The following CNIH3 variants were observed in gnomAD, a reference collection of about 807,000 sequenced individuals.
CNIH3 encodes the protein cornichon family AMPA receptor auxiliary protein 3, also known as protein cornichon homolog 3.
Under a neutral mutation model 24.1 loss-of-function variants are expected in CNIH3, and 14 were observed. That is an observed-to-expected ratio of 0.58 (90% CI 0.38 to 0.91). The LOEUF (loss-of-function observed/expected upper bound fraction) is 0.91. Among genes scored for constraint, CNIH3 ranks in the 40% least tolerant of loss-of-function variants. CNIH3 has a pLI of 0.00. For synonymous variants in CNIH3, 68 were observed against 73.8 expected (o/e 0.92, Z 0.40); for missense variants, 178 against 196.8 (o/e 0.90, Z 0.57).
rs2125241058 is a variant in CNIH3 at position 224,730,330 on chromosome 1, A to C, written c.199-132A>C. 1.3e-5 allele frequency: 8 copies of C among 627,166 alleles called. No individual in the cohort carries two copies. The East Asian group carries it at 2.2e-4, about 17-fold the overall frequency. 38.9% of individuals were successfully genotyped at this position (627,166 alleles called of 1,614,324 possible). On this transcript the variant is annotated intron_variant, in intron 3 of 5. Transcript: ENST00000272133. ...GGATCTGTGTTGGGGCAGTGGCTCTACGTTGCTGCAGGGAGGGCCTTTGTG... is the reference window on the plus strand; with the variant it reads ...GGATCTGTGTTGGGGCAGTGGCTCTCCGTTGCTGCAGGGAGGGCCTTTGTG...
chr1:224,615,957 C>A (rs1195218085), upstream of CNIH3: 1 of 152,940 alleles, frequency 6.5e-6, no homozygotes, highest in Non-Finnish European at 1.5e-5. Flanking sequence ...ACTGCAAGAA[C>A]CGGGAGGGGC....
At chr1:224,609,184 C>G (rs1682570058) in intron 3 of CNIH3, among the ~76,000 whole-genome samples, 1 of 152,150 alleles carries the variant, frequency 6.6e-6, no homozygotes, top group Non-Finnish European at 1.5e-5. Context: ...GTGAGAAAAT[C>G]TTTAGATCCT....
chr1:224,625,298 C>T (rs951670900), intron 1 of CNIH3, among the ~76,000 whole-genome samples: 1 of 152,158 alleles, frequency 6.6e-6, no homozygotes, highest in Non-Finnish European at 1.5e-5. Context: ...GCCTGTAATC[C>T]CAGCACTTTG....
intron 1 of CNIH3, among the ~76,000 whole-genome samples, chr1:224,651,875 G>A (rs949715868): frequency 1.6e-4 from 24 of 152,200 alleles, no homozygotes; most frequent in South Asian, 4.2e-4. Context: ...GTGTATTTTC[G>A]TTAATAATAG....
intron 1 of CNIH3, among the ~76,000 whole-genome samples, chr1:224,675,040 A>C (rs537765285): frequency 4.5e-4 from 68 of 152,246 alleles, no homozygotes; most frequent in South Asian, 2.5e-3. Context: ...CTTGGGGAAG[A>C]ACAATAGCTC....
intron 3 of CNIH3, among the ~76,000 whole-genome samples, chr1:224,562,284 C>G (rs1168868147): frequency 6.6e-6 from 1 of 152,134 alleles, no homozygotes; most frequent in Non-Finnish European, 1.5e-5. Context: ...CCTGCTGACC[C>G]TTCTACTCCA....
chr1:224,470,879 A>G (rs996991868), intron 1 of CNIH3, among the ~76,000 whole-genome samples: 4 of 152,234 alleles, frequency 2.6e-5, no homozygotes, highest in Non-Finnish European at 5.9e-5. Context: ...ATACAGACAT[A>G]CAATATGTAA....
chr1:224,498,563 C>G (rs1677526819), intron 1 of CNIH3, among the ~76,000 whole-genome samples: 1 of 152,106 alleles, frequency 6.6e-6, no homozygotes, highest in South Asian at 2.1e-4. Context: ...TGATTGTGAG[C>G]TGGGGCCCTT....
intron 1 of CNIH3, among the ~76,000 whole-genome samples, chr1:224,438,146 G>C (rs916634365): frequency 6.6e-6 from 1 of 151,536 alleles, no homozygotes; most frequent in Non-Finnish European, 1.5e-5. Flanking sequence ...AGATGGTCTC[G>C]ATCTCCTGAC....
At chr1:224,484,610 T>C (rs1676956245) in intron 1 of CNIH3, among the ~76,000 whole-genome samples, 2 of 152,272 alleles carry the variant, frequency 1.3e-5, no homozygotes, top group South Asian at 4.1e-4. Context: ...CTTCTTCAAA[T>C]ATTTTTATGT....
intron 1 of CNIH3, among the ~76,000 whole-genome samples, chr1:224,479,835 G>A (rs1181181672): frequency 6.6e-6 from 1 of 152,198 alleles, no homozygotes; most frequent in African/African-American, 2.4e-5. Context: ...GCTTTCATGG[G>A]CTGGCATTAA....
chr1:224,607,088 C>A (rs1240182997), intron 3 of CNIH3, among the ~76,000 whole-genome samples: 1 of 152,232 alleles, frequency 6.6e-6, no homozygotes, highest in Non-Finnish European at 1.5e-5. Flanking sequence ...GAGTCCTAAG[C>A]CAGACAGTGC....
At chr1:224,576,896 G>A (rs1371472138) in intron 4 of CNIH3, among the ~76,000 whole-genome samples, 1 of 152,138 alleles carries the variant, frequency 6.6e-6, no homozygotes, top group Non-Finnish European at 1.5e-5. Flanking sequence ...GAACAGAAAA[G>A]AGAACCCAGA....
At chr1:224,540,390 C>T (rs762537392), downstream of CNIH3, among the ~76,000 whole-genome samples, 5 of 152,136 alleles carry the variant, frequency 3.3e-5, no homozygotes, top group Non-Finnish European at 7.3e-5. Context: ...TCAATAGCCA[C>T]CCATGCGGAT....
In CNIH3 at chr1:224,535,619, T is replaced by C. The variant is rs1426634105; in HGVS notation, n.344-1317T>C. ...AACAGGGGTGTGGGGAACTGCATGG[T>C]CTGTAGCAGGGACCTTGTCTGGCAG... is the stretch of plus-strand genomic sequence containing the variant. On this transcript the variant is annotated intron_variant and non_coding_transcript_variant, in intron 2 of 2. Coordinates refer to the CNIH3 transcript ENST00000470602. Among the ~76,000 whole-genome samples the C allele has an allele frequency of 5.3e-5, 8 of 152,260 alleles. No homozygotes were observed. In the East Asian group the frequency reaches 1.5e-3, roughly 29 times the overall value.
chr1:224,476,882 GGTGGA>G (rs1676608562), intron 1 of CNIH3, among the ~76,000 whole-genome samples: 1 of 152,178 alleles, frequency 6.6e-6, no homozygotes, highest in South Asian at 2.1e-4. Context: ...GTGTCTTTTA[GGTGGA>G]GTGTTTAGGA....
chr1:224,685,866 C>T (rs985298674), intron 3 of CNIH3, among the ~76,000 whole-genome samples: 37 of 151,950 alleles, frequency 2.4e-4, no homozygotes, highest in Non-Finnish European at 2.1e-4. Context: ...GGGAAATATG[C>T]TTGGATAAAG....
chr1:224,471,324 C>T (rs1356356528), intron 1 of CNIH3, among the ~76,000 whole-genome samples: 1 of 152,194 alleles, frequency 6.6e-6, no homozygotes, highest in Non-Finnish European at 1.5e-5. Flanking sequence ...ACCACAGTGC[C>T]TGGCAGAAAT....
intron 1 of CNIH3, among the ~76,000 whole-genome samples, chr1:224,443,776 G>T (rs1161165082): frequency 1.3e-5 from 2 of 151,918 alleles, no homozygotes; most frequent in African/African-American, 4.8e-5. Context: ...GTGCAGATGT[G>T]GTTTGGGATG....
Sources: allele counts gnomAD v4.1 joint callset (sites outside exome capture counted in the v4.1 genomes callset), GRCh38; gene constraint gnomAD v4.1.1; transcripts MANE v1.5; gene names NCBI Gene and HGNC (gene_info 2026-07-23, HGNC 2026-07-21).